Variants in ITGA11 observed in about 807,000 individuals in gnomAD.
The protein encoded by ITGA11 is integrin alpha-11.
Under a neutral mutation model 141.9 loss-of-function variants are expected in ITGA11, and 97 were observed. That is an observed-to-expected ratio of 0.68 (90% CI 0.58 to 0.81). The LOEUF (loss-of-function observed/expected upper bound fraction) is 0.81. Ranked by LOEUF, ITGA11 falls within the 30% of genes least tolerant of loss-of-function variation. The pLI is 0.00. For missense variants in ITGA11, 1,387 were observed against 1,559.2 expected, an observed-to-expected ratio of 0.89 and a Z score of 1.86; for synonymous variants, 658 against 624.6, an observed-to-expected ratio of 1.05 and a Z score of -0.80.
chr15:68,431,108 A>G (rs895136), intron 1 of ITGA11, among the ~76,000 whole-genome samples: 141,350 of 152,296 alleles, frequency 0.93, 65,920 homozygotes, highest in Middle Eastern at 0.99. Flanking sequence ...CATCACTGGC[A>G]GCCGCCCCGC....
chr15:68,395,921 C>A (rs188787873), intron 2 of ITGA11, among the ~76,000 whole-genome samples: 2 of 151,118 alleles, frequency 1.3e-5, no homozygotes, highest in African/African-American at 4.9e-5. Flanking sequence ...AATCTTCCCA[C>A]GAAACAACCC....
chr15:68,311,180 G>A (rs1364158140), intron 25 of ITGA11, 100 bp from the exon 26 acceptor site: 23 of 1,265,226 alleles, frequency 1.8e-5, no homozygotes, highest in Non-Finnish European at 2.0e-5. Context: ...TCCTCTAGCC[G>A]TGGTCCTGGG....
rs1893763574 is a variant in ITGA11 at position 68,320,404 on chromosome 15, A to G, written c.2409-12T>C. 5.8e-6 allele frequency: 9 copies of G among 1,564,530 alleles called. No homozygotes were observed. The highest frequency in any genetic ancestry group is 7.8e-6 in the Non-Finnish European group (9 of 1,153,082). On this transcript the variant is annotated splice_polypyrimidine_tract_variant and intron_variant, in intron 19 of 29. Coordinates refer to ENST00000315757, the MANE Select transcript of ITGA11 (RefSeq NM_001004439.2). ...TCTGGCAGTACTCCCTGAGAACAAG[A>G]GACCACCAGAGACTGGGCAGATGGA...
At chr15:68,317,877 G>A (rs1252693150) in intron 20 of ITGA11, among the ~76,000 whole-genome samples, 4 of 152,196 alleles carry the variant, frequency 2.6e-5, no homozygotes, top group Non-Finnish European at 2.9e-5. Context: ...GTGTGGATGT[G>A]AGCATGTGTC....
At chr15:68,399,700 T>C (rs2140406363) in intron 2 of ITGA11, among the ~76,000 whole-genome samples, 1 of 152,060 alleles carries the variant, frequency 6.6e-6, no homozygotes. Flanking sequence ...CACAGAAACA[T>C]AAAACCTAAT....
chr15:68,351,215 CT>C lies in ITGA11; in HGVS notation c.894+42del, dbSNP rs758399005. On this transcript the variant is annotated intron_variant, in intron 8 of 29. Coordinates refer to ENST00000315757, the MANE Select transcript of ITGA11 (RefSeq NM_001004439.2). Reference sequence around the variant, plus strand: ...GTCCCCAGGGATTTGATGGTAAAGCCTCTCAGAGGCCATCAGCAGCCCTTGG... The same window carrying C: ...GTCCCCAGGGATTTGATGGTAAAGCCCTCAGAGGCCATCAGCAGCCCTTGG... The C allele has an allele frequency of 1.9e-6, 3 of 1,607,740 alleles. No homozygotes were observed. In the Admixed American group the frequency reaches 5.0e-5, roughly 27 times the overall value.
chr15:68,303,947 G>T lies in ITGA11; in HGVS notation c.3382-62C>A. The T allele has an allele frequency of 9.7e-7, 1 of 1,030,044 alleles. No individual in the cohort carries two copies. The highest frequency in any genetic ancestry group is 1.5e-6 in the Non-Finnish European group (1 of 664,424). The allele number at this position is 1,030,044 out of a possible 1,614,324, so 63.8% of individuals were successfully genotyped here. On this transcript the variant is annotated intron_variant, in intron 28 of 29. Coordinates refer to ENST00000315757, the MANE Select transcript of ITGA11 (RefSeq NM_001004439.2). The surrounding 1 kb of genome is among the most constrained non-coding windows in gnomAD (Gnocchi z 5.3). ...CTTCTGGGGCTGGGGTGGCAGTCTGGGAGGGGCAGGAGGGTGGAGACAGCT... is the reference window on the plus strand; with the variant it reads ...CTTCTGGGGCTGGGGTGGCAGTCTGTGAGGGGCAGGAGGGTGGAGACAGCT...
chr15:68,380,386 G>GAC (rs1895829880), intron 2 of ITGA11, among the ~76,000 whole-genome samples: 2 of 152,292 alleles, frequency 1.3e-5, no homozygotes, highest in African/African-American at 4.8e-5. Flanking sequence ...GAGGGACTTG[G>GAC]ACACATTCTG....
chr15:68,428,489 G>T (rs536538027), intron 1 of ITGA11, among the ~76,000 whole-genome samples: 207 of 152,276 alleles, frequency 1.4e-3, no homozygotes, highest in Non-Finnish European at 2.3e-3. Flanking sequence ...TAGAGATGGG[G>T]TCATGGTGAG....
In ITGA11 at chr15:68,307,173, T is replaced by C. The variant is rs1474496645; in HGVS notation, c.3381+175A>G. On this transcript the variant is annotated intron_variant, in intron 28 of 29. Coordinates refer to ENST00000315757, the MANE Select transcript of ITGA11 (RefSeq NM_001004439.2). The surrounding 1 kb of genome is among the most constrained non-coding windows in gnomAD (Gnocchi z 6.1). ...CCCTAGTGTTGCCCCTGAGGCTTTG[T>C]CTTGCTTTTTTCCCTCTTTTCAGCG... is the stretch of plus-strand genomic sequence containing the variant. Among the ~76,000 whole-genome samples the C allele has an allele frequency of 1.3e-5, 2 of 152,240 alleles. No individual in the cohort carries two copies. The highest frequency in any genetic ancestry group is 2.9e-5 in the Non-Finnish European group (2 of 68,040).
chr15:68,413,323 G>C (rs1038657849), intron 1 of ITGA11, among the ~76,000 whole-genome samples: 1 of 152,184 alleles, frequency 6.6e-6, no homozygotes, highest in Non-Finnish European at 1.5e-5. Flanking sequence ...ACTTATCTAT[G>C]TTCACCACCA....
chr15:68,412,621 A>G (rs1057430534), intron 1 of ITGA11, among the ~76,000 whole-genome samples: 4 of 151,442 alleles, frequency 2.6e-5, no homozygotes, highest in Non-Finnish European at 5.9e-5. Flanking sequence ...CATTGGGTCA[A>G]AGGTGGTGTG....
At chr15:68,379,866 C>A (rs1399525781) in intron 2 of ITGA11, among the ~76,000 whole-genome samples, 1 of 152,204 alleles carries the variant, frequency 6.6e-6, no homozygotes, top group Non-Finnish European at 1.5e-5. Flanking sequence ...GCTTTAATTT[C>A]TGGTATGTGT....
At chr15:68,365,315 T>C (rs560547044) in intron 3 of ITGA11, 3 of 985,398 alleles carry the variant, frequency 3.0e-6, no homozygotes, top group African/African-American at 3.5e-5. Flanking sequence ...CAGAGCCAAC[T>C]CAACGAGAGC....
chr15:68,383,380 G>A (rs1234747440), intron 2 of ITGA11, among the ~76,000 whole-genome samples: 6 of 152,200 alleles, frequency 3.9e-5, no homozygotes, highest in African/African-American at 1.4e-4. Context: ...AGAAAACAAG[G>A]GTTAGATAGT....
At position 68,332,428 on chromosome 15, in the gene ITGA11, G is replaced by T. The variant is rs200630645; in HGVS notation, c.1476C>A (p.Asp492Glu). The stretch of plus-strand genomic sequence containing the variant: ...CCACCAGCAGGACATCAGTCACGCC[G>T]TCGCCGTCGATGTCCACCGAGGTGA... ...SEITSVDIDG[D>E]GVTDVLLVGA... Residue 492 changes from aspartate (D) to glutamate (E), a missense_variant, in exon 13 of 30, where the codon GAC becomes GAA. Coordinates refer to ENST00000315757, the MANE Select transcript of ITGA11 (RefSeq NM_001004439.2). 6.2e-7 allele frequency: 1 copy of T among 1,611,348 alleles called. No individual in the cohort carries two copies. The highest frequency in any genetic ancestry group is 1.3e-5 in the African/African-American group (1 of 74,864).
chr15:68,310,919 G>GGAAATGGCCCGCAGA, intron 26 of ITGA11, 75 bp downstream of exon 26: 1 of 1,147,402 alleles, frequency 8.7e-7, no homozygotes. Context: ...GGGTCGGGAG[G>GGAAATGGCCCGCAGA]GAAATGGCCC....
intron 13 of ITGA11, 24 bp from the exon 14 acceptor site, chr15:68,332,086 G>T (rs1894188060): frequency 1.3e-6 from 2 of 1,558,482 alleles, no homozygotes; most frequent in Non-Finnish European, 8.7e-7. Context: ...GGCAGAAAAA[G>T]GCTGGGGAGG....
In ITGA11 at chr15:68,326,420, TGA is replaced by T. The variant is rs752756160; in HGVS notation, c.2211+232_2211+233del. Among the ~76,000 whole-genome samples, 1 of 152,096 alleles carries T rather than the reference TGA, an allele frequency of 6.6e-6. No individual in the cohort carries two copies. The highest frequency in any genetic ancestry group is 2.1e-4 in the South Asian group (1 of 4,808). Reference sequence around the variant, plus strand: ...AGCCCACCTTCCTCCCTTCGGCATCTGAGAGTGGCAGGAGAAGAGGTTTTGGA... The same window carrying T: ...AGCCCACCTTCCTCCCTTCGGCATCTGAGTGGCAGGAGAAGAGGTTTTGGA... On this transcript the variant is annotated intron_variant, in intron 17 of 29. Transcript: ENST00000315757. The surrounding 1 kb of genome is among the most constrained non-coding windows in gnomAD (Gnocchi z 6.8).
Sources: gnomAD v4.1 joint callset for allele counts (sites outside exome capture counted in the v4.1 genomes callset) on GRCh38, gnomAD v4.1.1 for gene constraint, Gnocchi (gnomAD v3.1) non-coding constraint, MANE v1.5 for transcripts, NCBI Gene and HGNC (gene_info 2026-07-23, HGNC 2026-07-21) for gene names.